PHC1: variants seen among roughly 807,000 people sequenced by gnomAD.
The protein encoded by PHC1 is polyhomeotic-like protein 1.
In PHC1, 12 loss-of-function variants were observed where a neutral mutation model predicts 104.3. That is an observed-to-expected ratio of 0.12 (90% confidence interval 0.07 to 0.19). The LOEUF is 0.19. Among genes scored for constraint, PHC1 ranks in the 10% least tolerant of loss-of-function variants. The probability of loss-of-function intolerance (pLI) is 1.00; values close to 1 mark genes in which losing one functional copy is unlikely to be tolerated. For synonymous variants in PHC1, 302 were observed against 455.8 expected (o/e 0.66, Z 4.30); for missense variants, 671 against 1,200.0 (o/e 0.56, Z 6.51).
intron 6 of PHC1, 114 bp from the exon 7 acceptor site, chr12:8,930,321 C>T (rs1335698513): frequency 6.2e-6 from 9 of 1,444,674 alleles, no homozygotes; most frequent in Middle Eastern, 3.6e-4. Context: ...GGCAGAGATA[C>T]GAGCTGAGGT....
Position 8,937,199 on chromosome 12 carries a change from A to T in PHC1, c.2501A>T (p.Gln834Leu). ...AGGTACAATGTGAGCTGTAGCCATC[A>T]GTTCCGGCTGAAGAGGAAAAAAATG... ...AKRYNVSCSH[Q>L]FRLKRKKMKE... Residue 834 changes from glutamine to leucine, a missense_variant, in exon 13 of 15, where the codon CAG becomes CTG. Gln to Leu is a moderately radical substitution (Grantham distance 113). Around this residue, in one of 9 missense-constraint regions of PHC1, gnomAD observed 192 missense variants for 280.5 expected, o/e 0.68. Coordinates refer to ENST00000544916, the MANE Select transcript of PHC1 (RefSeq NM_004426.3). 6.2e-7 allele frequency: 1 copy of T among 1,612,700 alleles called. No homozygotes were observed. Among genetic ancestry groups the T allele is most frequent in the Non-Finnish European group, 8.5e-7 (1 of 1,179,274 alleles).
Position 8,939,294 on chromosome 12 carries a change from A to AT in PHC1, c.2861-8dup, listed in dbSNP as rs1327032083. The AT allele has an allele frequency of 6.2e-7, 1 of 1,613,994 alleles. No individual in the cohort carries two copies. Among genetic ancestry groups the AT allele is most frequent in the African/African-American group, 1.3e-5 (1 of 74,912 alleles). ...CTGGCATTACCTACATGTTCTCACC[A>AT]TTTCTTCTAGGCTGCCAAGAGATTG... On this transcript the variant is annotated splice_polypyrimidine_tract_variant and intron_variant, in intron 14 of 14. Coordinates refer to ENST00000544916, the MANE Select transcript of PHC1 (RefSeq NM_004426.3).
upstream of PHC1, among the ~76,000 whole-genome samples, chr12:8,914,280 C>G (rs569777016): frequency 9.2e-5 from 14 of 152,136 alleles, no homozygotes; most frequent in South Asian, 2.9e-3. Flanking sequence ...GCGAGCAGAA[C>G]TCGGAGAGAA....
intron 6 of PHC1, among the ~76,000 whole-genome samples, chr12:8,927,768 T>C (rs1163516270): frequency 6.6e-6 from 1 of 152,210 alleles, no homozygotes; most frequent in African/African-American, 2.4e-5. Context: ...CTGATGATTC[T>C]TGTCAATATC....
intron 13 of PHC1, among the ~76,000 whole-genome samples, chr12:8,937,621 A>T (rs1298170944): frequency 2.0e-5 from 3 of 152,204 alleles, no homozygotes; most frequent in Admixed American, 6.5e-5. Context: ...ATCAATTGTT[A>T]GGTCATGGGG....
At chr12:8,938,559 G>T (rs938656601) in intron 14 of PHC1, among the ~76,000 whole-genome samples, 2 of 151,248 alleles carry the variant, frequency 1.3e-5, no homozygotes, top group African/African-American at 4.9e-5. Flanking sequence ...TGGGATTATA[G>T]GTGTGAGCCA....
intron 1 of PHC1, 184 bp downstream of exon 1, chr12:8,915,011 T>C (rs1480393246): frequency 6.5e-6 from 1 of 152,954 alleles, no homozygotes; most frequent in African/African-American, 2.4e-5. Flanking sequence ...CTTCTGGCTA[T>C]TCATTCTGCT....
At chr12:8,935,643 A>C (rs143164456) in intron 11 of PHC1, among the ~76,000 whole-genome samples, 4 of 152,318 alleles carry the variant, frequency 2.6e-5, no homozygotes, top group African/African-American at 9.6e-5. Context: ...AAGTAGGAAT[A>C]AAATGAAGTC....
In PHC1 at chr12:8,930,898, C is replaced by T; in HGVS notation, c.1076C>T (p.Pro359Leu). The T allele has an allele frequency of 3.1e-6, 5 of 1,601,450 alleles. No homozygotes were observed. The highest frequency in any genetic ancestry group is 4.3e-6 in the Non-Finnish European group (5 of 1,172,452). ...ATGAACCTGACACGGACAGCCACAC[C>T]TGCGCCCAGCCAGACACTTATTAGC... Reference protein sequence around the residue: ...VGMNLTRTATPAPSQTLISSA... With the variant: ...VGMNLTRTATLAPSQTLISSA... The change falls in exon 7 of 15, where the codon CCT becomes CTT. Residue 359 changes from proline (P) to leucine (L), a missense_variant. Pro to Leu is a moderately conservative substitution (Grantham distance 98, BLOSUM62 -3). Coordinates refer to ENST00000544916, the MANE Select transcript of PHC1 (RefSeq NM_004426.3).
rs1805741 is a variant in PHC1 at position 8,921,663 on chromosome 12, C to T, written c.369C>T (p.Pro123=). The change falls in exon 5 of 15, where the codon CCC becomes CCT. Residue 123 remains proline (P), a synonymous_variant. Coordinates refer to ENST00000544916, the MANE Select transcript of PHC1 (RefSeq NM_004426.3). ...GCCGATCCCAGAGTGTGAGCTCTCC[C>T]AGTGCTACCACCTTGACCCAATCTG... The part of the protein sequence containing the change: ...LISRSQSVSS[P]SATTLTQSVL... 0.7 allele frequency: 1,131,599 copies of T among 1,612,636 alleles called. 401,628 individuals are homozygous for T. Among genetic ancestry groups the T allele is most frequent in the South Asian group, 0.83 (75,561 of 90,978 alleles).
At chr12:8,935,265 G>T in intron 11 of PHC1, 27 bp downstream of exon 11, 5 of 1,226,610 alleles carry the variant, frequency 4.1e-6, no homozygotes, top group South Asian at 2.6e-5. Flanking sequence ...AGACTCATTT[G>T]GGGGAAGGAG....
intron 6 of PHC1, among the ~76,000 whole-genome samples, chr12:8,926,029 G>A (rs1343999052): frequency 6.6e-6 from 1 of 152,136 alleles, no homozygotes; most frequent in Non-Finnish European, 1.5e-5. Flanking sequence ...TAGTAGATGG[G>A]GGAATTAAAG....
At chr12:8,930,973 A>G in intron 7 of PHC1, 46 bp downstream of exon 7, 1 of 1,541,984 alleles carries the variant, frequency 6.5e-7, no homozygotes, top group African/African-American at 1.4e-5. Flanking sequence ...AATTCATGTG[A>G]AATTTTCCTT....
At chr12:8,915,247 C>T (rs1346919871) in intron 1 of PHC1, 3 of 152,798 alleles carry the variant, frequency 2.0e-5, no homozygotes, top group African/African-American at 7.2e-5. Flanking sequence ...CGGCGCACCA[C>T]TGGATCCACC....
At chr12:8,937,373 T>C (rs1330228309) in intron 13 of PHC1, 47 bp downstream of exon 13, 2 of 1,504,820 alleles carry the variant, frequency 1.3e-6, no homozygotes, top group East Asian at 2.4e-5. Context: ...TGGGTCTTTT[T>C]TTCTTTCCCT....
chr12:8,927,363 T>C (rs749377577), intron 6 of PHC1, among the ~76,000 whole-genome samples: 2 of 151,940 alleles, frequency 1.3e-5, no homozygotes, highest in Non-Finnish European at 2.9e-5. Context: ...GGGAGGGGAA[T>C]GTGCAGTTCC....
intron 3 of PHC1, among the ~76,000 whole-genome samples, 171 bp from the exon 4 acceptor site, chr12:8,920,814 T>C (rs1945340903): frequency 6.6e-6 from 1 of 152,216 alleles, no homozygotes; most frequent in African/African-American, 2.4e-5. Context: ...GCATATGTGG[T>C]AATGTGAGGA....
rs753895285 is a variant in PHC1, at chr12:8,921,651, T to C, written c.357T>C (p.Ser119=). The change falls in exon 5 of 15, where the codon AGT becomes AGC. Residue 119 remains serine (S), a synonymous_variant. Coordinates refer to ENST00000544916, the MANE Select transcript of PHC1 (RefSeq NM_004426.3). The part of the protein sequence containing the change: ...SAAQLISRSQ[S]VSSPSATTLT... ...CCCAGCTCATCAGCCGATCCCAGAG[T>C]GTGAGCTCTCCCAGTGCTACCACCT... The C allele has an allele frequency of 2.5e-6, 4 of 1,613,404 alleles. No individual in the cohort carries two copies. The highest frequency in any genetic ancestry group is 2.2e-5 in the South Asian group (2 of 91,010).
Position 8,940,929 on chromosome 12 carries a change from G to GAAAT in PHC1, c.*1472_*1475dup, listed in dbSNP as rs1945991487. ...CTGTGGAGAAAGTGCGACATGTTTAGAAATACTGGTAGGGAACCAGGAGTA... is the reference window on the plus strand; with the variant it reads ...CTGTGGAGAAAGTGCGACATGTTTAGAAATAAATACTGGTAGGGAACCAGGAGTA... On this transcript the variant is annotated 3_prime_UTR_variant, in exon 15 of 15. Transcript: ENST00000544916. 1 of 49,942 alleles carries GAAAT rather than the reference G, an allele frequency of 2.0e-5. No individual in the cohort carries two copies. Among genetic ancestry groups the GAAAT allele is most frequent in the Non-Finnish European group, 3.8e-5 (1 of 26,470 alleles). The allele number at this position is 49,942 out of a possible 1,614,324, so 3.1% of individuals were successfully genotyped here.
Sources: allele counts gnomAD v4.1 joint callset (sites outside exome capture counted in the v4.1 genomes callset), GRCh38; gene constraint gnomAD v4.1.1; regional missense constraint gnomAD v4.1.1; transcripts MANE v1.5; gene names NCBI Gene and HGNC (gene_info 2026-07-23, HGNC 2026-07-21).